Variants in HAGHL observed in about 807,000 individuals in gnomAD.
The protein encoded by HAGHL is hydroxyacylglutathione hydrolase like.
HAGHL carries 27 observed loss-of-function variants against 29.2 expected under a neutral mutation model. The observed-to-expected ratio is 0.92, with a 90% CI of 0.68 to 1.27. The LOEUF is 1.27. HAGHL is among the 50% of genes most tolerant of loss of function. HAGHL has a pLI of 0.00. For missense variants in HAGHL, 529 were observed against 405.5 expected (o/e 1.30, Z -2.62); for synonymous variants, 223 against 185.7 (o/e 1.20, Z -1.63).
rs1165027738 is a variant in HAGHL, at chr16:728,611, G to A, written c.498+7G>A. On this transcript the variant is annotated splice_region_variant and intron_variant, in intron 5 of 7. Coordinates refer to ENST00000389703, the MANE Select transcript of HAGHL (RefSeq NM_032304.4). ...TACCCTGCCCCCCGAGACGGTGAGC[G>A]GGCCTGGGCCCTCCCCTCTTCTCCC... 7.6e-6 allele frequency: 11 copies of A among 1,452,522 alleles called. No homozygotes were observed. In the Admixed American group the frequency reaches 2.0e-4, roughly 27 times the overall value. The allele number at this position is 1,452,522 out of a possible 1,614,324, so 90.0% of individuals were successfully genotyped here. A position where few individuals can be genotyped will look rare whatever the true frequency, so the allele number is the denominator to read the frequency against.
chr16:728,657 C>T, intron 5 of HAGHL, 53 bp downstream of exon 5: 3 of 1,289,182 alleles, frequency 2.3e-6, no homozygotes, highest in Non-Finnish European at 3.2e-6. Flanking sequence ...CCCCCACGCT[C>T]CGCACCCTCA....
chr16:729,695 T>C lies in HAGHL; in HGVS notation c.*239T>C, dbSNP rs190993101. 16 of 1,479,284 alleles carry C rather than the reference T, an allele frequency of 1.1e-5. No individual in the cohort carries two copies. Among genetic ancestry groups the C allele is most frequent in the African/African-American group, 1.4e-5 (1 of 70,338 alleles). 91.6% of individuals were successfully genotyped at this position (1,479,284 alleles called of 1,614,324 possible). A position where few individuals can be genotyped will look rare whatever the true frequency, so the allele number is the denominator to read the frequency against. ...TGGGGCACACGGGGCCTCCGAACTA[T>C]GAATAAAGCTTTGAAAGGCCGTTGT... On this transcript the variant is annotated 3_prime_UTR_variant, in exon 8 of 8. Transcript: ENST00000389703.
rs1177210472 is a variant in HAGHL at position 727,537 on chromosome 16, G to C, written c.28G>C (p.Glu10Gln). Residue 10 changes from glutamate (E) to glutamine (Q), a missense_variant, in exon 1 of 8, where the codon GAG (glutamate) becomes CAG (glutamine). Transcript: ENST00000389703. ...GAAGGTCAAGGTCATCCCCGTGCTC[G>C]AGGACAACTACATGTACCTGGTCAT... MKVKVIPVL[E>Q]DNYMYLVIEE... 5.6e-6 allele frequency: 9 copies of C among 1,611,358 alleles called. No homozygotes were observed. Among genetic ancestry groups the C allele is most frequent in the Admixed American group, 5.0e-5 (3 of 59,930 alleles).
Position 727,380 on chromosome 16 carries a change from C to T in HAGHL, c.-130C>T, listed in dbSNP as rs2041041345. On this transcript the variant is annotated 5_prime_UTR_variant, in exon 1 of 8. Coordinates refer to ENST00000389703, the MANE Select transcript of HAGHL (RefSeq NM_032304.4). ...GGGGAGCCGGGCTTCTCTTTTGGCC[C>T]CCAGCGTGTTGACCGAGCCCGCTTC... 2 of 575,136 alleles carry T rather than the reference C, an allele frequency of 3.5e-6. No homozygotes were observed. Among genetic ancestry groups the T allele is most frequent in the Non-Finnish European group, 6.3e-6 (2 of 316,874 alleles). The allele number at this position is 575,136 out of a possible 1,614,324, so 35.6% of individuals were successfully genotyped here.
Position 728,006 on chromosome 16 carries a change from T to C in HAGHL, c.147T>C (p.Ala49=), listed in dbSNP as rs750503844. 1.2e-6 allele frequency: 2 copies of C among 1,604,814 alleles called. No individual in the cohort carries two copies. Among genetic ancestry groups the C allele is most frequent in the Non-Finnish European group, 1.7e-6 (2 of 1,177,158 alleles). ...GCCGGGAGGGGGTGTCTCTGACCGC[T>C]GTGCTGACCACCCACCATCACTGGT... ...IVGREGVSLT[A]VLTTHHHWDH... Residue 49 remains alanine (A), a synonymous_variant, in exon 2 of 8, where the codon GCT becomes GCC. Coordinates refer to ENST00000389703, the MANE Select transcript of HAGHL (RefSeq NM_032304.4).
rs1283062993 is a variant in HAGHL at position 729,459 on chromosome 16, C to T, written c.*3C>T. On this transcript the variant is annotated 3_prime_UTR_variant, in exon 8 of 8. Transcript: ENST00000389703. Reference sequence around the variant, plus strand: ...TGAGTGCAGCCCCACACGACTGAGCCACCCAGACCCTCACAGGGCTGGGGC... The same window carrying T: ...TGAGTGCAGCCCCACACGACTGAGCTACCCAGACCCTCACAGGGCTGGGGC... The T allele has an allele frequency of 1.8e-5, 28 of 1,538,888 alleles. No homozygotes were observed. The East Asian group carries it at 5.9e-4, about 32-fold the overall frequency.
intron 1 of HAGHL, 153 bp downstream of exon 1, chr16:727,767 G>T: frequency 1.4e-6 from 1 of 722,772 alleles, no homozygotes; most frequent in Admixed American, 2.7e-5. Context: ...TGAAGTTACG[G>T]CACCTCTGGC....
At chr16:728,445 G>A (rs1338404309) in intron 4 of HAGHL, 21 bp downstream of exon 4, 2 of 1,484,936 alleles carry the variant, frequency 1.3e-6, no homozygotes, top group African/African-American at 2.9e-5. Context: ...CGCGGAGCGC[G>A]CCCACCCCGC....
chr16:728,780 C>T lies in HAGHL; in HGVS notation c.499-14C>T, dbSNP rs1425897318. On this transcript the variant is annotated splice_polypyrimidine_tract_variant and intron_variant, in intron 5 of 7. Coordinates refer to ENST00000389703, the MANE Select transcript of HAGHL (RefSeq NM_032304.4). ...CCTGGCCGCGTGCGCGCTCACCGAG[C>T]GCTCTTCCTCCAGAAGGTGTTCTGC... 1 of 1,610,254 alleles carries T rather than the reference C, an allele frequency of 6.2e-7. No homozygotes were observed. Among genetic ancestry groups the T allele is most frequent in the South Asian group, 1.1e-5 (1 of 90,686 alleles).
Position 727,373 on chromosome 16 carries a change from T to G in HAGHL, c.-137T>G. ...AGTTCCTGGGGAGCCGGGCTTCTCT[T>G]TTGGCCCCCAGCGTGTTGACCGAGC... On this transcript the variant is annotated 5_prime_UTR_variant, in exon 1 of 8. Transcript: ENST00000389703. The G allele has an allele frequency of 1.8e-6, 1 of 564,768 alleles. No individual in the cohort carries two copies. Among genetic ancestry groups the G allele is most frequent in the East Asian group, 3.2e-5 (1 of 31,038 alleles). The allele number at this position is 564,768 out of a possible 1,614,324, so 35.0% of individuals were successfully genotyped here.
chr16:729,207 G>A, intron 7 of HAGHL, 81 bp from the exon 8 acceptor site: 1 of 1,554,062 alleles, frequency 6.4e-7, no homozygotes, highest in Non-Finnish European at 8.7e-7. Flanking sequence ...CTCATTAAGT[G>A]CCTGCCTGCC....
chr16:727,831 C>T (rs2041089666), intron 1 of HAGHL, 134 bp from the exon 2 acceptor site: 3 of 1,004,684 alleles, frequency 3.0e-6, no homozygotes, highest in East Asian at 2.7e-5. Context: ...GCGCAGTCAC[C>T]GCCCGCTGGG....
Position 728,374 on chromosome 16 carries a change from G to A in HAGHL, c.347G>A (p.Ser116Asn). Residue 116 changes from serine (S) to asparagine (N), a missense_variant, in exon 4 of 8, where the codon AGC becomes AAC. Ser to Asn is a conservative substitution (Grantham distance 46, BLOSUM62 1). Coordinates refer to ENST00000389703, the MANE Select transcript of HAGHL (RefSeq NM_032304.4). ...LTPGHTAGHM[S>N]YFLWEDDCPD... ...CCCGGCCACACCGCCGGCCACATGA[G>A]CTACTTCCTGTGGGAGGACGATTGC... is the stretch of plus-strand genomic sequence containing the variant. 1.9e-6 allele frequency: 3 copies of A among 1,579,660 alleles called. No individual in the cohort carries two copies. The highest frequency in any genetic ancestry group is 1.2e-5 in the South Asian group (1 of 86,802).
chr16:729,164 G>T, intron 7 of HAGHL, 76 bp downstream of exon 7: 1 of 1,582,946 alleles, frequency 6.3e-7, no homozygotes. Flanking sequence ...TGCGTGTTGG[G>T]CTGAGTGAGC....
chr16:728,145 C>A lies in HAGHL; in HGVS notation c.200C>A (p.Ala67Glu), dbSNP rs988712089. ...WDHARGNPEL[A>E]RLRPGLAVLG... is the part of the protein sequence containing the mutation. Reference sequence around the variant, plus strand: ...CACGCGCGGGGAAACCCGGAGCTGGCGCGGCTTCGTCCCGGGCTGGCGGTG... The same window carrying A: ...CACGCGCGGGGAAACCCGGAGCTGGAGCGGCTTCGTCCCGGGCTGGCGGTG... The change falls in exon 3 of 8, where the codon GCG becomes GAG. Residue 67 changes from alanine (A) to glutamate (E), a missense_variant. Transcript: ENST00000389703. The A allele has an allele frequency of 2.2e-5, 32 of 1,473,724 alleles. No homozygotes were observed. The Middle Eastern group carries it at 1.7e-3, about 78-fold the overall frequency. 91.3% of individuals were successfully genotyped at this position (1,473,724 alleles called of 1,614,324 possible).
chr16:728,921 A>G, intron 6 of HAGHL, 26 bp downstream of exon 6: 1 of 547,306 alleles, frequency 1.8e-6, no homozygotes, highest in Non-Finnish European at 2.8e-6. Flanking sequence ...CGCCGCGGCA[A>G]GAGGGTGGGG....
Position 728,790 on chromosome 16 carries a change from C to T in HAGHL, c.499-4C>T, listed in dbSNP as rs764781809. 6.2e-7 allele frequency: 1 copy of T among 1,611,620 alleles called. No homozygotes were observed. Among genetic ancestry groups the T allele is most frequent in the East Asian group, 2.2e-5 (1 of 44,874 alleles). Reference sequence around the variant, plus strand: ...TGCGCGCTCACCGAGCGCTCTTCCTCCAGAAGGTGTTCTGCGGCCACGAGC... The same window carrying T: ...TGCGCGCTCACCGAGCGCTCTTCCTTCAGAAGGTGTTCTGCGGCCACGAGC... On this transcript the variant is annotated splice_region_variant and splice_polypyrimidine_tract_variant and intron_variant, in intron 5 of 7. Coordinates refer to ENST00000389703, the MANE Select transcript of HAGHL (RefSeq NM_032304.4).
Position 729,331 on chromosome 16 carries a change from G to A in HAGHL, c.724G>A (p.Asp242Asn), listed in dbSNP as rs2041232944. Residue 242 changes from aspartate to asparagine, a missense_variant, in exon 8 of 8, where the codon GAC (aspartate) becomes AAC (asparagine). By Grantham distance (23) the Asp-to-Asn change is conservative. Coordinates refer to ENST00000389703, the MANE Select transcript of HAGHL (RefSeq NM_032304.4). Reference protein sequence around the residue: ...RKFTGKAVPADVLEALCKERA... With the variant: ...RKFTGKAVPANVLEALCKERA... ...GTTCACGGGCAAGGCGGTCCCCGCC[G>A]ACGTCCTGGAGGCGCTATGCAAGGA... 4 of 1,533,308 alleles carry A rather than the reference G, an allele frequency of 2.6e-6. No homozygotes were observed. The highest frequency in any genetic ancestry group is 2.4e-5 in the East Asian group (1 of 40,838). 95.0% of individuals were successfully genotyped at this position (1,533,308 alleles called of 1,614,324 possible).
chr16:728,013 A>G lies in HAGHL; in HGVS notation c.154A>G (p.Thr52Ala), dbSNP rs1355141990. Residue 52 changes from threonine (T) to alanine (A), a missense_variant, in exon 2 of 8, where the codon ACC (threonine) becomes GCC (alanine). By Grantham distance (58) the Thr-to-Ala change is moderately conservative. Coordinates refer to ENST00000389703, the MANE Select transcript of HAGHL (RefSeq NM_032304.4). ...REGVSLTAVL[T>A]THHHWDHARG... ...GGGGGTGTCTCTGACCGCTGTGCTGACCACCCACCATCACTGGTGAGCGCC... is the reference window on the plus strand; with the variant it reads ...GGGGGTGTCTCTGACCGCTGTGCTGGCCACCCACCATCACTGGTGAGCGCC... 1.9e-6 allele frequency: 3 copies of G among 1,600,704 alleles called. No homozygotes were observed. The African/African-American group carries it at 4.1e-5, about 22-fold the overall frequency.
Sources: allele counts gnomAD v4.1 joint callset, GRCh38; gene constraint gnomAD v4.1.1; transcripts MANE v1.5; gene names NCBI Gene and HGNC (gene_info 2026-07-23, HGNC 2026-07-21).